Variants in NTNG1 observed in about 807,000 individuals in gnomAD.
NTNG1 encodes netrin G1.
In NTNG1, 16 loss-of-function variants were observed where a neutral mutation model predicts 54.0. The ratio of observed to expected loss-of-function variants is 0.30; its 90% CI spans 0.20 to 0.45. NTNG1 has a LOEUF of 0.45. Ranked by LOEUF, NTNG1 falls within the 20% of genes least tolerant of loss-of-function variation. The probability of loss-of-function intolerance (pLI) is 1.00; values close to 1 mark genes in which losing one functional copy is unlikely to be tolerated. For synonymous variants in NTNG1, 255 were observed against 263.1 expected, an observed-to-expected ratio of 0.97 and a Z score of 0.30; for missense variants, 530 against 678.7, an observed-to-expected ratio of 0.78 and a Z score of 2.43.
At chr1:107,279,571 C>A (rs74436161) in intron 2 of NTNG1, among the ~76,000 whole-genome samples, 1 of 152,154 alleles carries the variant, frequency 6.6e-6, no homozygotes, top group Non-Finnish European at 1.5e-5. Flanking sequence ...TGTAGAATGG[C>A]CTAATTATTT....
intron 7 of NTNG1, among the ~76,000 whole-genome samples, chr1:107,451,092 T>TTTTC (rs1363688849): frequency 6.3e-5 from 9 of 143,248 alleles, no homozygotes; most frequent in Non-Finnish European, 9.1e-5. Flanking sequence ...CAATTCCCTT[T>TTTTC]TTTCTTTCTT....
intron 3 of NTNG1, among the ~76,000 whole-genome samples, chr1:107,339,579 T>A (rs755740241): frequency 6.6e-6 from 1 of 152,096 alleles, no homozygotes; most frequent in Non-Finnish European, 1.5e-5. Flanking sequence ...TAGCAATTTA[T>A]GTTTGTGGAC....
chr1:107,374,969 C>T (rs761472666), intron 3 of NTNG1, among the ~76,000 whole-genome samples: 132 of 152,166 alleles, frequency 8.7e-4, no homozygotes, highest in Non-Finnish European at 8.8e-4. Flanking sequence ...ATTATCTACT[C>T]AATGCCCTGT....
At chr1:107,259,294 A>G (rs916454169) in intron 2 of NTNG1, among the ~76,000 whole-genome samples, 1 of 152,136 alleles carries the variant, frequency 6.6e-6, no homozygotes, top group South Asian at 2.1e-4. Flanking sequence ...CTTTCACACT[A>G]AAGTGCCCAC....
chr1:107,274,651 C>T (rs772110596), intron 2 of NTNG1, among the ~76,000 whole-genome samples: 136 of 152,250 alleles, frequency 8.9e-4, no homozygotes, highest in Non-Finnish European at 9.0e-4. Flanking sequence ...TGGAGAGACT[C>T]GAACATATTC....
intron 2 of NTNG1, among the ~76,000 whole-genome samples, chr1:107,155,119 A>G (rs1458467489): frequency 6.6e-6 from 1 of 152,002 alleles, no homozygotes; most frequent in African/African-American, 2.4e-5. Context: ...TATAATGAGC[A>G]TATTCTCCAG....
chr1:107,316,150 G>A (rs1667325128), intron 2 of NTNG1, among the ~76,000 whole-genome samples: 1 of 152,120 alleles, frequency 6.6e-6, no homozygotes, highest in African/African-American at 2.4e-5. Flanking sequence ...AAGTAACATT[G>A]CCCTTATGCC....
chr1:107,438,841 C>A (rs967829261), intron 7 of NTNG1, among the ~76,000 whole-genome samples: 1 of 152,148 alleles, frequency 6.6e-6, no homozygotes, highest in African/African-American at 2.4e-5. Context: ...AATCAAAAGA[C>A]TGAATTTAAG....
At chr1:107,467,572 C>T (rs375880472) in intron 7 of NTNG1, among the ~76,000 whole-genome samples, 10 of 152,224 alleles carry the variant, frequency 6.6e-5, no homozygotes, top group East Asian at 1.9e-4. Context: ...CAGAGCCATG[C>T]GTGGTAATGT....
At position 107,384,768 on chromosome 1, in the gene NTNG1, C is replaced by A. The variant is rs375094377; in HGVS notation, c.888-10386C>A. Among the ~76,000 whole-genome samples the A allele has an allele frequency of 2.2e-4, 34 of 152,326 alleles. No homozygotes were observed. In the East Asian group the frequency reaches 5.4e-3, roughly 24 times the overall value. ...AATGCCCCTTCTTTCATGTATGCTTCTCCTATAATACAGGAATTCGTATGC... is the reference window on the plus strand; with the variant it reads ...AATGCCCCTTCTTTCATGTATGCTTATCCTATAATACAGGAATTCGTATGC... On this transcript the variant is annotated intron_variant, in intron 3 of 7. Coordinates refer to ENST00000370068, the MANE Select transcript of NTNG1 (RefSeq NM_001113226.3).
At chr1:107,213,916 TGC>T (rs1167890147) in intron 2 of NTNG1, among the ~76,000 whole-genome samples, 2 of 152,170 alleles carry the variant, frequency 1.3e-5, no homozygotes, top group Non-Finnish European at 2.9e-5. Flanking sequence ...TATATTTTAT[TGC>T]TTTTTGCATT....
At chr1:107,270,345 C>T (rs1664059797) in intron 2 of NTNG1, among the ~76,000 whole-genome samples, 1 of 152,164 alleles carries the variant, frequency 6.6e-6, no homozygotes, top group Non-Finnish European at 1.5e-5. Flanking sequence ...CACTTATTCT[C>T]ATGATGTCAA....
intron 2 of NTNG1, among the ~76,000 whole-genome samples, chr1:107,255,668 C>T (rs968790111): frequency 3.9e-5 from 6 of 152,108 alleles, no homozygotes; most frequent in African/African-American, 1.2e-4. Flanking sequence ...TTCAACTTAC[C>T]ACCCACATTC....
At chr1:107,467,738 A>T (rs1677698423) in intron 7 of NTNG1, among the ~76,000 whole-genome samples, 1 of 152,188 alleles carries the variant, frequency 6.6e-6, no homozygotes, top group Admixed American at 6.5e-5. Flanking sequence ...GTATGCTATG[A>T]CTTGTCTATA....
intron 3 of NTNG1, among the ~76,000 whole-genome samples, chr1:107,384,844 A>C (rs1671865731): frequency 6.6e-6 from 1 of 152,216 alleles, no homozygotes; most frequent in Admixed American, 6.5e-5. Context: ...GCTGCTTTCA[A>C]AAAATTATAA....
At chr1:107,224,000 AT>A (rs1308176531) in intron 2 of NTNG1, among the ~76,000 whole-genome samples, 1 of 152,196 alleles carries the variant, frequency 6.6e-6, no homozygotes, top group Non-Finnish European at 1.5e-5. Context: ...TGCTAGTTCA[AT>A]TGTTTTAAGA....
intron 3 of NTNG1, among the ~76,000 whole-genome samples, chr1:107,383,002 C>T (rs1671741138): frequency 1.3e-5 from 2 of 152,156 alleles, no homozygotes; most frequent in African/African-American, 2.4e-5. Context: ...AATTTCCTCT[C>T]GAATTTTGTA....
At chr1:107,191,111 T>G (rs916442277) in intron 2 of NTNG1, among the ~76,000 whole-genome samples, 1 of 152,244 alleles carries the variant, frequency 6.6e-6, no homozygotes, top group Non-Finnish European at 1.5e-5. Context: ...TTTTTAATGA[T>G]CGCCATTCTA....
At chr1:107,367,784 A>C (rs554011059) in intron 3 of NTNG1, among the ~76,000 whole-genome samples, 35 of 151,872 alleles carry the variant, frequency 2.3e-4, no homozygotes, top group African/African-American at 7.5e-4. Context: ...TTTTGTTGAC[A>C]TGGAGTCTCA....
Sources: gnomAD v4.1 joint callset for allele counts (sites outside exome capture counted in the v4.1 genomes callset) on GRCh38, gnomAD v4.1.1 for gene constraint, MANE v1.5 for transcripts, NCBI Gene and HGNC (gene_info 2026-07-23, HGNC 2026-07-21) for gene names.